The following PTPRD variants were observed in gnomAD, a reference collection of about 807,000 sequenced individuals.
The protein encoded by PTPRD is protein tyrosine phosphatase receptor type D.
Under a neutral mutation model 214.5 loss-of-function variants are expected in PTPRD, and 34 were observed. The ratio of observed to expected loss-of-function variants is 0.16; its 90% confidence interval spans 0.12 to 0.21. PTPRD has a LOEUF of 0.21. Among genes scored for constraint, PTPRD ranks in the 10% least tolerant of loss-of-function variants. The pLI is 1.00. For missense variants in PTPRD, 2,545 were observed against 2,398.7 expected (o/e 1.06, Z -1.27); for synonymous variants, 1,128 against 845.7 (o/e 1.33, Z -5.79).
intron 2 of PTPRD, among the ~76,000 whole-genome samples, chr9:10,378,004 G>A (rs923809650): frequency 4.6e-5 from 7 of 151,948 alleles, no homozygotes; most frequent in African/African-American, 9.7e-5. Flanking sequence ...CATAGTGGTC[G>A]TATTAATTTA....
intron 37 of PTPRD, among the ~76,000 whole-genome samples, chr9:8,379,412 T>G (rs2084268397): frequency 6.6e-6 from 1 of 152,156 alleles, no homozygotes; most frequent in East Asian, 1.9e-4. Context: ...GGGCTGAATT[T>G]AAGGGCTTAG....
chr9:9,684,953 C>T (rs1422214984), intron 7 of PTPRD, among the ~76,000 whole-genome samples: 1 of 151,520 alleles, frequency 6.6e-6, no homozygotes, highest in African/African-American at 2.4e-5. Context: ...GATTATACAT[C>T]ACAGTTGTGT....
At chr9:9,759,500 C>G (rs1041443361) in intron 6 of PTPRD, among the ~76,000 whole-genome samples, 1 of 149,924 alleles carries the variant, frequency 6.7e-6, no homozygotes, top group African/African-American at 2.5e-5. Context: ...TAAACTCAGT[C>G]TGTAATGTAG....
At chr9:9,551,073 C>G (rs1438852893) in intron 8 of PTPRD, among the ~76,000 whole-genome samples, 3 of 151,796 alleles carry the variant, frequency 2.0e-5, no homozygotes, top group African/African-American at 7.3e-5. Flanking sequence ...TACATGACCC[C>G]ATAGTTACAC....
chr9:8,757,971 G>T lies in PTPRD; in HGVS notation c.-103-24025C>A, dbSNP rs571592313. Among the ~76,000 whole-genome samples, 296 of 152,208 alleles carry T rather than the reference G, an allele frequency of 1.9e-3. 1 individual carries two copies. Among genetic ancestry groups the T allele is most frequent in the African/African-American group, 6.9e-3 (286 of 41,532 alleles). ...AGCAGACTGGTGGTTGGGCTGAATGGGTGTTACATTCTCCACTTTCTCATT... is the reference window on the plus strand; with the variant it reads ...AGCAGACTGGTGGTTGGGCTGAATGTGTGTTACATTCTCCACTTTCTCATT... On this transcript the variant is annotated intron_variant, in intron 11 of 45. Coordinates refer to ENST00000381196, the MANE Select transcript of PTPRD (RefSeq NM_002839.4).
At chr9:8,336,924 C>T (rs565784273) in intron 43 of PTPRD, among the ~76,000 whole-genome samples, 4 of 152,174 alleles carry the variant, frequency 2.6e-5, no homozygotes, top group Middle Eastern at 3.4e-3. Flanking sequence ...GTTAGAATGG[C>T]GATCATTAAA....
At chr9:10,065,141 T>TAGAAAGAAAGAAAGAA (rs554379074) in intron 3 of PTPRD, among the ~76,000 whole-genome samples, 19,171 of 106,556 alleles carry the variant, frequency 0.18, 2,216 homozygotes, top group Middle Eastern at 0.22. Flanking sequence ...TGACTTGGAT[T>TAGAAAGAAAGAAAGAA]AGAAAGAAAG....
At chr9:9,743,753 CACACACACACACACACAA>C (rs1226730918) in intron 6 of PTPRD, among the ~76,000 whole-genome samples, 3 of 150,402 alleles carry the variant, frequency 2.0e-5, no homozygotes, top group African/African-American at 7.5e-5. Context: ...CACACACACA[CACACACACACACACACAA>C]TTTATACTGA....
chr9:8,767,446 T>A (rs554914537), intron 11 of PTPRD, among the ~76,000 whole-genome samples: 3 of 152,090 alleles, frequency 2.0e-5, no homozygotes, highest in African/African-American at 7.2e-5. Context: ...GTATTTCCCC[T>A]TGTACAACTC....
chr9:10,440,426 A>T (rs776222880), intron 2 of PTPRD, among the ~76,000 whole-genome samples: 7 of 151,822 alleles, frequency 4.6e-5, no homozygotes, highest in Non-Finnish European at 8.8e-5. Flanking sequence ...AACACTCCAT[A>T]GAAATATTTT....
At chr9:10,104,884 C>T (rs868420416) in intron 3 of PTPRD, among the ~76,000 whole-genome samples, 2 of 151,828 alleles carry the variant, frequency 1.3e-5, no homozygotes, top group African/African-American at 4.8e-5. Flanking sequence ...TGTCGTGTTT[C>T]CTGCTACATA....
chr9:10,173,722 T>G (rs1045738156), intron 3 of PTPRD, among the ~76,000 whole-genome samples: 1 of 151,998 alleles, frequency 6.6e-6, no homozygotes, highest in Non-Finnish European at 1.5e-5. Flanking sequence ...GGGATGCATG[T>G]GCTTGTGCAG....
Position 8,911,533 on chromosome 9 carries a change from G to C in PTPRD, c.-104+107164C>G, listed in dbSNP as rs185164341. On this transcript the variant is annotated intron_variant, in intron 11 of 45. Transcript: ENST00000381196. ...AAAAATTAACTCAAAATAAATCATAGACCCAAATGTAAGAGCTAAATCTAT... is the reference window on the plus strand; with the variant it reads ...AAAAATTAACTCAAAATAAATCATACACCCAAATGTAAGAGCTAAATCTAT... Among the ~76,000 whole-genome samples the C allele has an allele frequency of 3.9e-3, 588 of 151,878 alleles. 12 individuals carry two copies. Among genetic ancestry groups the C allele is most frequent in the Non-Finnish European group, 5.0e-3 (340 of 67,986 alleles).
chr9:10,032,948 A>T (rs1264450249), intron 4 of PTPRD, among the ~76,000 whole-genome samples: 1 of 152,008 alleles, frequency 6.6e-6, no homozygotes. Flanking sequence ...CTGATGAAGT[A>T]TTCCACCCAA....
At chr9:8,651,912 A>T (rs1306880722) in intron 12 of PTPRD, among the ~76,000 whole-genome samples, 2 of 152,200 alleles carry the variant, frequency 1.3e-5, no homozygotes, top group Non-Finnish European at 2.9e-5. Flanking sequence ...CAGTTGGATT[A>T]CTTTTCAAAT....
At chr9:8,925,676 G>C (rs915925552) in intron 11 of PTPRD, among the ~76,000 whole-genome samples, 4 of 136,952 alleles carry the variant, frequency 2.9e-5, no homozygotes, top group Non-Finnish European at 6.0e-5. Context: ...CCAGTATCTT[G>C]GATGCCATCC....
chr9:9,954,262 C>T (rs547567475), intron 4 of PTPRD, among the ~76,000 whole-genome samples: 1 of 128,488 alleles, frequency 7.8e-6, no homozygotes, highest in African/African-American at 3.0e-5. Flanking sequence ...CACTGCATTC[C>T]AGCCTCGGTG....
intron 8 of PTPRD, among the ~76,000 whole-genome samples, chr9:9,441,403 G>T (rs1303724110): frequency 6.6e-6 from 1 of 152,172 alleles, no homozygotes. Context: ...AAAAGAAAAA[G>T]TATGTCTGAA....
chr9:8,950,142 C>T (rs946338971), intron 11 of PTPRD, among the ~76,000 whole-genome samples: 1 of 152,058 alleles, frequency 6.6e-6, no homozygotes, highest in Non-Finnish European at 1.5e-5. Context: ...TAAGGGAATG[C>T]AAATCTAAAT....
Sources: allele counts gnomAD v4.1 joint callset (sites outside exome capture counted in the v4.1 genomes callset), GRCh38; gene constraint gnomAD v4.1.1; transcripts MANE v1.5; gene names NCBI Gene and HGNC (gene_info 2026-07-23, HGNC 2026-07-21).